ITGAM: variants seen among roughly 807,000 people sequenced by gnomAD.
ITGAM encodes integrin subunit alpha M.
In ITGAM, 79 loss-of-function variants were observed where a neutral mutation model predicts 137.5. The ratio of observed to expected loss-of-function variants is 0.57; its 90% CI spans 0.48 to 0.69. The LOEUF (loss-of-function observed/expected upper bound fraction) is 0.69, where lower values mean the gene tolerates loss of function less well. Ranked by LOEUF, ITGAM falls within the 30% of genes least tolerant of loss-of-function variation. The pLI is 0.00. For missense variants in ITGAM, 1,343 were observed against 1,483.5 expected (o/e 0.91, Z 1.56); for synonymous variants, 583 against 592.3 (o/e 0.98, Z 0.23).
chr16:31,311,970 T>C (rs1427434808), intron 14 of ITGAM, among the ~76,000 whole-genome samples: 1 of 151,356 alleles, frequency 6.6e-6, no homozygotes, highest in African/African-American at 2.4e-5. Context: ...AAAGGATGAG[T>C]TCATGTCCTT....
At chr16:31,283,743 C>T (rs1242902200) in intron 12 of ITGAM, among the ~76,000 whole-genome samples, 2 of 152,234 alleles carry the variant, frequency 1.3e-5, no homozygotes, top group Non-Finnish European at 1.5e-5. Context: ...AAGTCATTCT[C>T]CGTCCAGCTT....
At chr16:31,270,039 A>G (rs2079811163) in intron 5 of ITGAM, among the ~76,000 whole-genome samples, 1 of 152,098 alleles carries the variant, frequency 6.6e-6, no homozygotes, top group Admixed American at 6.6e-5. Context: ...AGCACATTCC[A>G]CATCACTTTA....
chr16:31,284,488 C>T lies in ITGAM; in HGVS notation c.1356+6379C>T, dbSNP rs1000068561. 4.6e-5 allele frequency among the ~76,000 whole-genome samples: 7 copies of T among 151,940 alleles called. No individual in the cohort carries two copies. In the East Asian group the frequency reaches 5.8e-4, roughly 13 times the overall value. The stretch of plus-strand genomic sequence containing the variant: ...GCTTGATCTCAAACTGCTGTGCTAG[C>T]GTGAGCAAGGCTCCATGGGCGTGGG... On this transcript the variant is annotated intron_variant, in intron 12 of 29. Coordinates refer to ENST00000544665, the MANE Select transcript of ITGAM (RefSeq NM_000632.4).
At chr16:31,273,749 G>C in intron 8 of ITGAM, 1 of 411,904 alleles carries the variant, frequency 2.4e-6, no homozygotes, top group Non-Finnish European at 4.4e-6. Context: ...CAAGAGTTCT[G>C]GTCTCAATGG....
At chr16:31,268,750 C>T (rs1032800189) in intron 5 of ITGAM, among the ~76,000 whole-genome samples, 1 of 152,180 alleles carries the variant, frequency 6.6e-6, no homozygotes, top group African/African-American at 2.4e-5. Flanking sequence ...ACCGCTGTGT[C>T]TCCATCGCCG....
chr16:31,264,333 GC>G (rs1399551043), intron 2 of ITGAM, among the ~76,000 whole-genome samples: 1 of 152,106 alleles, frequency 6.6e-6, no homozygotes, highest in East Asian at 1.9e-4. Flanking sequence ...TGTAATCCCA[GC>G]TACTCAGGAG....
At chr16:31,290,366 G>T (rs1332504903) in intron 12 of ITGAM, among the ~76,000 whole-genome samples, 1 of 152,052 alleles carries the variant, frequency 6.6e-6, no homozygotes, top group African/African-American at 2.4e-5. Context: ...AAAACCCAGT[G>T]AACCTTATAC....
chr16:31,327,326 C>A (rs533444781), intron 22 of ITGAM, among the ~76,000 whole-genome samples: 1 of 152,052 alleles, frequency 6.6e-6, no homozygotes, highest in African/African-American at 2.4e-5. Context: ...CTGGCTCAAG[C>A]CTGTAATCCC....
Position 31,262,390 on chromosome 16 carries a change from T to TCCTTCCTTCCTTCCTG in ITGAM, c.134+606_134+607insCTGCCTTCCTTCCTTC, listed in dbSNP as rs1567244025. ...TTCCTTCCTTCCTTCCTTCCTTCCTTCCTTCCTTCCTTCATTTCTTTCTTT... is the reference window on the plus strand; with the variant it reads ...TTCCTTCCTTCCTTCCTTCCTTCCTTCCTTCCTTCCTTCCTGCCTTCCTTCCTTCATTTCTTTCTTT... On this transcript the variant is annotated intron_variant, in intron 2 of 29. Transcript: ENST00000544665. Among the ~76,000 whole-genome samples, 85 of 141,520 alleles carry TCCTTCCTTCCTTCCTG rather than the reference T, an allele frequency of 6.0e-4. 2 individuals carry two copies. The highest frequency in any genetic ancestry group is 2.2e-3 in the African/African-American group (79 of 35,606). 92.8% of individuals were successfully genotyped at this position (141,520 alleles called of 152,430 possible). A position where few individuals can be genotyped will look rare whatever the true frequency, so the allele number is the denominator to read the frequency against.
In ITGAM at chr16:31,265,486, A is replaced by G; in HGVS notation, c.226A>G (p.Ile76Val). The G allele has an allele frequency of 6.3e-7, 1 of 1,598,176 alleles. No individual in the cohort carries two copies. Among genetic ancestry groups the G allele is most frequent in the Middle Eastern group, 1.7e-4 (1 of 6,024 alleles). The change falls in exon 3 of 30, where the codon ATC (isoleucine) becomes GTC (valine). Residue 76 changes from isoleucine (I) to valine (V), a missense_variant. Physicochemically the swap from Ile to Val is conservative, Grantham distance 29. Coordinates refer to ENST00000544665, the MANE Select transcript of ITGAM (RefSeq NM_000632.4). ...CTACAGCACAGGCTCATGCGAGCCC[A>G]TCCGCCTGCAGGGTGAGTCACTGCC... The part of the protein sequence containing the change: ...CDYSTGSCEP[I>V]RLQVPVEAVN...
At chr16:31,283,704 A>G (rs2079995583) in intron 12 of ITGAM, among the ~76,000 whole-genome samples, 1 of 152,144 alleles carries the variant, frequency 6.6e-6, no homozygotes, top group African/African-American at 2.4e-5. Flanking sequence ...ATTACCGATC[A>G]TCTGAAGCCT....
Position 31,331,769 on chromosome 16 carries a change from A to G in ITGAM, c.*62A>G, listed in dbSNP as rs934340608. ...GCAGGACTCTGCCCAGACCACACGT[A>G]GCCCCCAGGCTGCTGGACACGTCGG... On this transcript the variant is annotated 3_prime_UTR_variant, in exon 30 of 30. Transcript: ENST00000544665. 6.8e-5 allele frequency: 90 copies of G among 1,317,406 alleles called. No homozygotes were observed. The highest frequency in any genetic ancestry group is 3.7e-5 in the Non-Finnish European group (35 of 952,630). 81.6% of individuals were successfully genotyped at this position (1,317,406 alleles called of 1,614,324 possible).
At chr16:31,260,128 AG>A (rs1157131326) in intron 1 of ITGAM, 36 bp downstream of exon 1, 1 of 1,053,014 alleles carries the variant, frequency 9.5e-7, no homozygotes, top group South Asian at 1.4e-5. Context: ...CTGGGTGGGG[AG>A]GAGGGTAACT....
chr16:31,298,106 G>A (rs758431809), intron 14 of ITGAM, among the ~76,000 whole-genome samples, 152 bp downstream of exon 14: 1 of 149,154 alleles, frequency 6.7e-6, no homozygotes, highest in African/African-American at 2.5e-5. Flanking sequence ...GGTGGCTGAC[G>A]CCTGTAATCC....
Position 31,266,862 on chromosome 16 carries a change from AT to A in ITGAM, c.427+738del, listed in dbSNP as rs79448805. Among the ~76,000 whole-genome samples the A allele has an allele frequency of 6.3e-3, 916 of 144,862 alleles. 6 individuals are homozygous for A. The highest frequency in any genetic ancestry group is 0.02 in the African/African-American group (782 of 39,688). ...ATTGAGATTCTGAGTGACTGTATGG[AT>A]TTTTTTTTTTTTTTTTTTTTTTGAG... On this transcript the variant is annotated intron_variant, in intron 5 of 29. Coordinates refer to ENST00000544665, the MANE Select transcript of ITGAM (RefSeq NM_000632.4).
intron 12 of ITGAM, among the ~76,000 whole-genome samples, chr16:31,292,960 G>A (rs1362789049): frequency 6.6e-6 from 1 of 152,106 alleles, no homozygotes. Context: ...ATTCTAACTG[G>A]TGTGAGATGG....
At position 31,275,107 on chromosome 16, in the gene ITGAM, G is replaced by A. The variant is rs917698193; in HGVS notation, c.859-442G>A. On this transcript the variant is annotated intron_variant, in intron 8 of 29. Transcript: ENST00000544665. ...GCAGATGACTCCACCAAGAGCAGGA[G>A]GGCACAGCAGAGTGCTGGGGGAAAG... Among the ~76,000 whole-genome samples the A allele has an allele frequency of 5.9e-5, 9 of 152,084 alleles. No homozygotes were observed. In the South Asian group the frequency reaches 8.3e-4, roughly 14 times the overall value.
At chr16:31,302,428 C>CTTTCTTTCTTTCTTTCTTCCT (rs71390270) in intron 14 of ITGAM, among the ~76,000 whole-genome samples, 1 of 103,126 alleles carries the variant, frequency 9.7e-6, no homozygotes, top group Non-Finnish European at 1.9e-5. Flanking sequence ...TTCTTTCTTT[C>CTTTCTTTCTTTCTTTCTTCCT]TTCTTTCTTT....
chr16:31,301,896 A>G (rs1010721169), intron 14 of ITGAM, among the ~76,000 whole-genome samples: 6 of 152,182 alleles, frequency 3.9e-5, no homozygotes, highest in African/African-American at 7.2e-5. Context: ...GTTTCACTAC[A>G]TGAGTCAGTA....
Sources: allele counts gnomAD v4.1 joint callset (sites outside exome capture counted in the v4.1 genomes callset), GRCh38; gene constraint gnomAD v4.1.1; transcripts MANE v1.5; gene names NCBI Gene and HGNC (gene_info 2026-07-23, HGNC 2026-07-21).